The following RBM27 variants were observed in gnomAD, a reference collection of about 807,000 sequenced individuals.
The protein encoded by RBM27 is RNA binding motif protein 27.
In RBM27, 22 loss-of-function variants were observed where a neutral mutation model predicts 135.3. That is an observed-to-expected ratio of 0.16 (90% CI 0.12 to 0.23). The LOEUF (loss-of-function observed/expected upper bound fraction) is 0.23. Among genes scored for constraint, RBM27 ranks in the 10% least tolerant of loss-of-function variants. The pLI is 1.00. For synonymous variants in RBM27, 481 were observed against 442.4 expected (o/e 1.09, Z -1.10); for missense variants, 1,009 against 1,281.0 (o/e 0.79, Z 3.24).
intron 11 of RBM27, among the ~76,000 whole-genome samples, chr5:146,259,822 A>C (rs1243955356): frequency 6.7e-6 from 1 of 149,372 alleles, no homozygotes; most frequent in Admixed American, 6.7e-5. Context: ...AAATACAAAA[A>C]ATTAGCCGGG....
intron 2 of RBM27, among the ~76,000 whole-genome samples, chr5:146,223,015 G>A (rs1756522999): frequency 6.6e-6 from 1 of 151,994 alleles, no homozygotes; most frequent in African/African-American, 2.4e-5. Context: ...TCTTTATGCA[G>A]ATAGATAGAA....
intron 7 of RBM27, among the ~76,000 whole-genome samples, chr5:146,236,916 G>A (rs1282776947): frequency 6.9e-6 from 1 of 144,818 alleles, no homozygotes; most frequent in Non-Finnish European, 1.5e-5. Flanking sequence ...CACCGTGCCC[G>A]GCCTATGATG....
intron 5 of RBM27, 61 bp downstream of exon 5, chr5:146,229,971 G>T (rs1756862650): frequency 1.5e-5 from 24 of 1,574,470 alleles, no homozygotes; most frequent in Non-Finnish European, 2.1e-5. Context: ...TATCACAGGG[G>T]TGCAAGAAAT....
At chr5:146,249,302 A>G (rs771220537) in intron 8 of RBM27, among the ~76,000 whole-genome samples, 1 of 152,122 alleles carries the variant, frequency 6.6e-6, no homozygotes, top group African/African-American at 2.4e-5. Flanking sequence ...TCTTTAACAT[A>G]CTACTACATT....
chr5:146,255,139 T>C (rs1239797148), intron 10 of RBM27, 47 bp downstream of exon 10: 2 of 1,523,194 alleles, frequency 1.3e-6, no homozygotes, highest in Non-Finnish European at 1.8e-6. Flanking sequence ...TATGCAGTAG[T>C]TGGATATAGT....
At chr5:146,262,914 C>T (rs1325450753) in intron 13 of RBM27, among the ~76,000 whole-genome samples, 2 of 146,272 alleles carry the variant, frequency 1.4e-5, no homozygotes, top group Non-Finnish European at 3.0e-5. Context: ...TTGAGACAGT[C>T]CTGCTTTGTC....
chr5:146,225,818 C>A (rs564350784), intron 3 of RBM27, among the ~76,000 whole-genome samples: 3 of 151,748 alleles, frequency 2.0e-5, no homozygotes, highest in African/African-American at 7.3e-5. Flanking sequence ...CCCACCTTGG[C>A]CTTCCAAAGT....
chr5:146,279,654 A>G (rs1399858329), intron 19 of RBM27, among the ~76,000 whole-genome samples: 1 of 151,706 alleles, frequency 6.6e-6, no homozygotes, highest in East Asian at 1.9e-4. Context: ...CAAAAAATAC[A>G]AAAATTAGCT....
At chr5:146,218,944 A>G (rs1451426562) in intron 1 of RBM27, 41 bp from the exon 2 acceptor site, 1 of 1,295,014 alleles carries the variant, frequency 7.7e-7, no homozygotes, top group Admixed American at 2.1e-5. Flanking sequence ...GTTTGATAAA[A>G]AGTGTTTTTT....
intron 19 of RBM27, among the ~76,000 whole-genome samples, chr5:146,277,374 T>C (rs1008971819): frequency 1.3e-5 from 2 of 152,184 alleles, no homozygotes; most frequent in Non-Finnish European, 2.9e-5. Flanking sequence ...ACATTTGTCT[T>C]ATTTGAAGGC....
chr5:146,248,782 G>T (rs1035357876), intron 8 of RBM27, among the ~76,000 whole-genome samples: 7 of 152,148 alleles, frequency 4.6e-5, no homozygotes, highest in Non-Finnish European at 8.8e-5. Context: ...TATGTTCTTT[G>T]TCAGTAGTTT....
rs756306337 is a variant in RBM27 at position 146,258,564 on chromosome 5, G to A, written c.1710G>A (p.Gly570=). 32 of 1,576,364 alleles carry A rather than the reference G, an allele frequency of 2.0e-5. No individual in the cohort carries two copies. In the East Asian group the frequency reaches 7.5e-4, roughly 37 times the overall value. The part of the protein sequence containing the change: ...SRKRAMSGLE[G]PLTKKPWLGK... The stretch of plus-strand genomic sequence containing the variant: ...AAAGAGCTATGAGTGGTTTGGAAGG[G>A]CCACTCACAAAGAAACCTTGGCTGG... Residue 570 remains glycine (G), a synonymous_variant, in exon 11 of 21, where the codon GGG becomes GGA. Transcript: ENST00000265271.
chr5:146,206,796 TG>T (rs1755698806), intron 1 of RBM27, among the ~76,000 whole-genome samples: 1 of 152,030 alleles, frequency 6.6e-6, no homozygotes, highest in African/African-American at 2.4e-5. Context: ...TTGGCCAGGT[TG>T]GTCTCCAGTT....
chr5:146,232,409 A>T (rs1224455841), intron 6 of RBM27, among the ~76,000 whole-genome samples: 9 of 152,212 alleles, frequency 5.9e-5, no homozygotes, highest in Non-Finnish European at 1.0e-4. Flanking sequence ...TATGTACATA[A>T]GTAAATACAC....
chr5:146,214,505 A>G (rs1360791382), intron 1 of RBM27, among the ~76,000 whole-genome samples: 1 of 152,158 alleles, frequency 6.6e-6, no homozygotes, highest in Non-Finnish European at 1.5e-5. Flanking sequence ...GATTTTTGTG[A>G]CATACTTCTG....
chr5:146,225,732 AT>A (rs1756645175), intron 3 of RBM27, among the ~76,000 whole-genome samples: 1 of 151,542 alleles, frequency 6.6e-6, no homozygotes, highest in East Asian at 1.9e-4. Context: ...TGCCTGGCTG[AT>A]TTTTGTATTT....
intron 19 of RBM27, among the ~76,000 whole-genome samples, chr5:146,283,356 A>T (rs1470650990): frequency 1.3e-5 from 2 of 152,116 alleles, no homozygotes; most frequent in Non-Finnish European, 2.9e-5. Context: ...CCTGGGCAAC[A>T]TCGGGAGACC....
At chr5:146,211,596 C>G (rs890492479) in intron 1 of RBM27, among the ~76,000 whole-genome samples, 3 of 149,950 alleles carry the variant, frequency 2.0e-5, no homozygotes, top group Non-Finnish European at 3.0e-5. Flanking sequence ...ATTATCCTGC[C>G]TCAGCCTCCT....
At chr5:146,279,690 C>T (rs914716431) in intron 19 of RBM27, among the ~76,000 whole-genome samples, 1 of 151,064 alleles carries the variant, frequency 6.6e-6, no homozygotes, top group African/African-American at 2.4e-5. Context: ...TGCCTGTAGT[C>T]GCAGCTACTC....
Sources: gnomAD v4.1 joint callset for allele counts (sites outside exome capture counted in the v4.1 genomes callset) on GRCh38, gnomAD v4.1.1 for gene constraint, MANE v1.5 for transcripts, NCBI Gene and HGNC (gene_info 2026-07-23, HGNC 2026-07-21) for gene names.